OSTC: variants seen among roughly 807,000 people sequenced by gnomAD.
The protein encoded by OSTC is oligosaccharyltransferase complex non-catalytic subunit.
A neutral mutation model predicts 16.4 loss-of-function variants in OSTC; 16 were observed. The ratio of observed to expected loss-of-function variants is 0.98; its 90% confidence interval spans 0.66 to 1.49. OSTC has a LOEUF of 1.49. OSTC is among the 40% of genes most tolerant of loss of function. The probability of loss-of-function intolerance (pLI) is 0.00; values close to 1 mark genes in which losing one functional copy is unlikely to be tolerated. For synonymous variants in OSTC, 67 were observed against 68.5 expected (o/e 0.98, Z 0.11); for missense variants, 139 against 186.3 (o/e 0.75, Z 1.48).
intron 3 of OSTC, among the ~76,000 whole-genome samples, chr4:108,659,420 T>G (rs1262209861): frequency 6.6e-6 from 1 of 152,116 alleles, no homozygotes; most frequent in African/African-American, 2.4e-5. Context: ...TAAGGTGTAC[T>G]TGTATAGAAA....
At chr4:108,661,427 A>G (rs1029437857) in intron 3 of OSTC, among the ~76,000 whole-genome samples, 1 of 152,104 alleles carries the variant, frequency 6.6e-6, no homozygotes, top group Non-Finnish European at 1.5e-5. Flanking sequence ...CTGTATGTTC[A>G]CTGCATTTTA....
intron 2 of OSTC, among the ~76,000 whole-genome samples, chr4:108,656,478 CCT>C (rs1254214566): frequency 1.3e-5 from 2 of 151,606 alleles, no homozygotes; most frequent in Non-Finnish European, 2.9e-5. Context: ...AAAAAAATAC[CCT>C]GTTTACATAT....
intron 2 of OSTC, 38 bp downstream of exon 2, chr4:108,655,695 A>G (rs1726682613): frequency 1.4e-6 from 2 of 1,463,746 alleles, no homozygotes; most frequent in Middle Eastern, 3.5e-4. Flanking sequence ...GTGGTGGGAA[A>G]GAAGGTTGCT....
intron 3 of OSTC, among the ~76,000 whole-genome samples, 163 bp from the exon 4 acceptor site, chr4:108,667,084 A>C (rs1264762261): frequency 6.6e-6 from 1 of 152,214 alleles, no homozygotes; most frequent in African/African-American, 2.4e-5. Context: ...TGAGGGGGGC[A>C]AAATATGAAA....
intron 1 of OSTC, among the ~76,000 whole-genome samples, chr4:108,653,494 AT>A (rs1726612236): frequency 6.6e-6 from 1 of 152,162 alleles, no homozygotes; most frequent in Non-Finnish European, 1.5e-5. Flanking sequence ...GGTAGTGGAG[AT>A]TAGGATAATA....
chr4:108,650,818 G>GA lies in OSTC; in HGVS notation c.139+25dup, dbSNP rs951807469. ...AGGTAACTCGGGCTGTCGGGCCCGA[G>GA]AGGCTGAGGAGCGGAGAACTGACCC... On this transcript the variant is annotated intron_variant, in intron 1 of 3. Transcript: ENST00000361564. 1.9e-6 allele frequency: 3 copies of GA among 1,613,714 alleles called. No homozygotes were observed. The African/African-American group carries it at 4.0e-5, about 22-fold the overall frequency.
At chr4:108,664,021 A>C (rs866257493) in intron 3 of OSTC, among the ~76,000 whole-genome samples, 1 of 152,204 alleles carries the variant, frequency 6.6e-6, no homozygotes, top group Non-Finnish European at 1.5e-5. Context: ...TTGAGTATAT[A>C]TTATAGTAAG....
intron 3 of OSTC, among the ~76,000 whole-genome samples, chr4:108,658,048 C>T (rs1726759192): frequency 6.6e-6 from 1 of 150,880 alleles, no homozygotes; most frequent in South Asian, 2.1e-4. Context: ...GCTCCTGCCT[C>T]AGCCTTCTGA....
At chr4:108,665,120 G>C (rs1252138352) in intron 3 of OSTC, among the ~76,000 whole-genome samples, 1 of 152,156 alleles carries the variant, frequency 6.6e-6, no homozygotes, top group Non-Finnish European at 1.5e-5. Flanking sequence ...CTGAAAGGGA[G>C]GGAAGTCACA....
At chr4:108,652,466 G>T (rs1468327096) in intron 1 of OSTC, among the ~76,000 whole-genome samples, 1 of 152,050 alleles carries the variant, frequency 6.6e-6, no homozygotes, top group African/African-American at 2.4e-5. Flanking sequence ...AAGTGGAAAG[G>T]TTGCTTTTTA....
chr4:108,658,971 C>CTTTTTTTTTTTTTTTTT (rs766585998), intron 3 of OSTC, among the ~76,000 whole-genome samples: 31 of 83,896 alleles, frequency 3.7e-4, no homozygotes, highest in African/African-American at 1.6e-3. Context: ...GGCAGCAGCT[C>CTTTTTTTTTTTTTTTTT]TTTTTTTTTT....
chr4:108,655,887 G>A (rs950221431), intron 2 of OSTC, among the ~76,000 whole-genome samples: 1 of 152,114 alleles, frequency 6.6e-6, no homozygotes, highest in Non-Finnish European at 1.5e-5. Flanking sequence ...TTACAGTAGG[G>A]TGTCAGTTTA....
chr4:108,661,506 A>C (rs1726857371), intron 3 of OSTC, among the ~76,000 whole-genome samples: 1 of 152,200 alleles, frequency 6.6e-6, no homozygotes, highest in Non-Finnish European at 1.5e-5. Flanking sequence ...TTTGAACTTG[A>C]TTCTTCTGAA....
At chr4:108,655,536 C>T in intron 1 of OSTC, 28 bp from the exon 2 acceptor site, 1 of 1,358,906 alleles carries the variant, frequency 7.4e-7, no homozygotes. Context: ...GTAATACAAT[C>T]TAATCTGTTC....
intron 2 of OSTC, among the ~76,000 whole-genome samples, chr4:108,656,453 A>G (rs1363390116): frequency 1.5e-5 from 2 of 137,028 alleles, no homozygotes; most frequent in Non-Finnish European, 3.0e-5. Context: ...AATGAAAACA[A>G]TTGACCAAAA....
intron 1 of OSTC, among the ~76,000 whole-genome samples, chr4:108,653,407 G>A (rs918823770): frequency 6.6e-6 from 1 of 152,272 alleles, no homozygotes; most frequent in East Asian, 1.9e-4. Flanking sequence ...CTAGGCAGAG[G>A]GAAACGTAGG....
At chr4:108,661,661 G>T (rs180785469) in intron 3 of OSTC, among the ~76,000 whole-genome samples, 1 of 152,064 alleles carries the variant, frequency 6.6e-6, no homozygotes, top group South Asian at 2.1e-4. Flanking sequence ...GCAATGGCGC[G>T]GTCTCGGCTC....
intron 1 of OSTC, chr4:108,651,003 A>C: frequency 1.6e-6 from 1 of 626,756 alleles, no homozygotes; most frequent in Non-Finnish European, 2.6e-6. Context: ...TCGTGTTCTC[A>C]CTCCCATTGC....
intron 3 of OSTC, among the ~76,000 whole-genome samples, chr4:108,664,504 T>A (rs375943097): frequency 9.0e-6 from 1 of 110,526 alleles, no homozygotes; most frequent in East Asian, 3.3e-4. Flanking sequence ...TTTTAAAGTA[T>A]CCTTTTTGTG....
Sources: allele counts gnomAD v4.1 joint callset (sites outside exome capture counted in the v4.1 genomes callset), GRCh38; gene constraint gnomAD v4.1.1; transcripts MANE v1.5; gene names NCBI Gene and HGNC (gene_info 2026-07-23, HGNC 2026-07-21).